The following UTS2 variants were observed in gnomAD, a reference collection of about 807,000 sequenced individuals.
The protein encoded by UTS2 is urotensin 2.
In UTS2, 10 loss-of-function variants were observed where a neutral mutation model predicts 12.6. The observed-to-expected ratio is 0.80, with a 90% confidence interval of 0.49 to 1.35. UTS2 has a LOEUF of 1.35. Among genes scored for constraint, UTS2 ranks in the 40% most tolerant of loss-of-function variants. UTS2 has a pLI of 0.00. For missense variants in UTS2, 142 were observed against 143.2 expected (o/e 0.99, Z 0.04); for synonymous variants, 52 against 50.0 (o/e 1.04, Z -0.17).
intron 1 of UTS2, among the ~76,000 whole-genome samples, chr1:7,852,077 C>G (rs780433231): frequency 1.2e-4 from 18 of 151,862 alleles, no homozygotes; most frequent in Admixed American, 3.9e-4. Context: ...GCTTGACGAT[C>G]ATCAGAAAGC....
intron 1 of UTS2, among the ~76,000 whole-genome samples, chr1:7,851,558 A>G (rs2097414245): frequency 6.6e-6 from 1 of 152,126 alleles, no homozygotes; most frequent in African/African-American, 2.4e-5. Context: ...AGGCGTGGTA[A>G]GTGCAGACCT....
intron 1 of UTS2, 47 bp downstream of exon 1, chr1:7,852,854 G>GTA (rs1449982518): frequency 6.4e-7 from 1 of 1,568,678 alleles, no homozygotes; most frequent in Admixed American, 1.9e-5. Context: ...TTTAAGACTA[G>GTA]TAAAGGCTCT....
chr1:7,860,088 A>G, the UTS2 span, among the ~76,000 whole-genome samples: 1 of 152,198 alleles, frequency 6.6e-6, no homozygotes, highest in Non-Finnish European at 1.5e-5. Flanking sequence ...CACTCATTCA[A>G]CGAACATTGA....
chr1:7,892,636 G>A, the UTS2 span, among the ~76,000 whole-genome samples: 368 of 151,718 alleles, frequency 2.4e-3, no homozygotes, highest in African/African-American at 8.4e-3. Flanking sequence ...CTGCCACCAC[G>A]CCTGGCTAAG....
Position 7,847,833 on chromosome 1 carries a change from A to G in UTS2, c.308T>C (p.Leu103Ser), listed in dbSNP as rs1400895233. ...CTTGTATGGTTTCCAGATTCTGGCC[A>G]AAAGATGACTCAGTAAAATGTTAGG... ...QDPNILLSHLLARIWKPYKKR... is the reference protein window; with the variant it reads ...QDPNILLSHLSARIWKPYKKR... The change falls in exon 4 of 4, where the codon TTG becomes TCG. Residue 103 changes from leucine to serine, a missense_variant. Physicochemically the swap from Leu to Ser is moderately radical, Grantham distance 145. Transcript: ENST00000361696. 1.9e-6 allele frequency: 3 copies of G among 1,613,992 alleles called. No homozygotes were observed. The highest frequency in any genetic ancestry group is 1.7e-5 in the Admixed American group (1 of 59,990).
At chr1:7,895,567 C>T in the UTS2 span, among the ~76,000 whole-genome samples, 1 of 152,184 alleles carries the variant, frequency 6.6e-6, no homozygotes. Flanking sequence ...GTTTTAAAAT[C>T]AGTAAATTGT....
rs536975727 is a variant in UTS2, at chr1:7,849,646, C to T, written c.252G>A (p.Leu84=). ...CATAAATAGAGTCACTTACCTTTCT[C>T]AAATTTCCTCTTGGGTTAAAAATGT... ...STNIFNPRGN[L]RKFQDFSGQD... Residue 84 remains leucine (L), a synonymous_variant, in exon 3 of 4, where the codon TTG becomes TTA. Transcript: ENST00000361696. The T allele has an allele frequency of 3.7e-6, 6 of 1,609,658 alleles. No individual in the cohort carries two copies. The Admixed American group carries it at 8.6e-5, about 23-fold the overall frequency.
chr1:7,872,336 GAAAAAGAAA>G, the UTS2 span, among the ~76,000 whole-genome samples: 2 of 121,934 alleles, frequency 1.6e-5, no homozygotes, highest in Admixed American at 1.8e-4. Context: ...GAAAAAAAAA[GAAAAAGAAA>G]AAAAAGAAAA....
At chr1:7,898,008 A>G in the UTS2 span, among the ~76,000 whole-genome samples, 1 of 152,228 alleles carries the variant, frequency 6.6e-6, no homozygotes, top group East Asian at 1.9e-4. Flanking sequence ...ATTAATGTAC[A>G]TTAATATTAT....
chr1:7,860,405 G>C, the UTS2 span, among the ~76,000 whole-genome samples: 1 of 152,100 alleles, frequency 6.6e-6, no homozygotes, highest in African/African-American at 2.4e-5. Context: ...GGCCCGTGTG[G>C]TTCAGTGTGA....
the UTS2 span, among the ~76,000 whole-genome samples, chr1:7,910,115 T>C: frequency 6.6e-6 from 1 of 152,116 alleles, no homozygotes; most frequent in Admixed American, 6.6e-5. Context: ...AAGCAAGTTT[T>C]TCTCTAAACT....
chr1:7,859,084 G>T, the UTS2 span, among the ~76,000 whole-genome samples: 1 of 152,074 alleles, frequency 6.6e-6, no homozygotes, highest in Non-Finnish European at 1.5e-5. Flanking sequence ...ATTTTTATGC[G>T]CAGACTTGGG....
the UTS2 span, among the ~76,000 whole-genome samples, chr1:7,895,344 G>A: frequency 4.0e-5 from 6 of 151,750 alleles, no homozygotes; most frequent in African/African-American, 1.5e-4. Flanking sequence ...ACTCCAGCCT[G>A]GGTGATAAGA....
chr1:7,901,168 C>T, the UTS2 span, among the ~76,000 whole-genome samples: 748 of 152,284 alleles, frequency 4.9e-3, 7 homozygotes, highest in African/African-American at 0.017. Flanking sequence ...TCTGTTATCG[C>T]ATGGTAAGCT....
At chr1:7,908,361 G>A in the UTS2 span, among the ~76,000 whole-genome samples, 3 of 150,906 alleles carry the variant, frequency 2.0e-5, no homozygotes, top group South Asian at 2.1e-4. Context: ...AGCTACTTGG[G>A]AGGCTGAGGC....
At chr1:7,872,128 C>T in the UTS2 span, among the ~76,000 whole-genome samples, 9 of 151,464 alleles carry the variant, frequency 5.9e-5, no homozygotes, top group Admixed American at 2.0e-4. Flanking sequence ...GGTGAAACCC[C>T]GTCTCTACTA....
chr1:7,897,454 T>G, the UTS2 span, among the ~76,000 whole-genome samples: 1 of 152,242 alleles, frequency 6.6e-6, no homozygotes, highest in Admixed American at 6.5e-5. Flanking sequence ...GTTGAGACAT[T>G]TATTGAAACT....
the UTS2 span, among the ~76,000 whole-genome samples, chr1:7,885,668 T>C: frequency 1.3e-5 from 2 of 151,426 alleles, no homozygotes; most frequent in Non-Finnish European, 2.9e-5. Flanking sequence ...GGGGCGTGAC[T>C]TGAGAGGGCA....
At chr1:7,854,754 A>G (rs2151384670), upstream of UTS2, among the ~76,000 whole-genome samples, 1 of 152,296 alleles carries the variant, frequency 6.6e-6, no homozygotes, top group East Asian at 1.9e-4. Flanking sequence ...TTGTGTTCTC[A>G]TCACAAAAAA....
Sources: allele counts gnomAD v4.1 joint callset (sites outside exome capture counted in the v4.1 genomes callset), GRCh38; gene constraint gnomAD v4.1.1; transcripts MANE v1.5; gene names NCBI Gene and HGNC (gene_info 2026-07-23, HGNC 2026-07-21).